BACH2: variants seen among roughly 807,000 people sequenced by gnomAD.
BACH2 encodes BACH transcriptional regulator 2, also known as transcription regulator protein BACH2.
A neutral mutation model predicts 61.8 loss-of-function variants in BACH2; 5 were observed. That is an observed-to-expected ratio of 0.08 (90% CI 0.04 to 0.17). The LOEUF is 0.17. Ranked by LOEUF, BACH2 falls within the 10% of genes least tolerant of loss-of-function variation. BACH2 has a pLI of 1.00. For missense variants in BACH2, 824 were observed against 1,091.1 expected (o/e 0.76, Z 3.45); for synonymous variants, 446 against 440.1 (o/e 1.01, Z -0.17).
chr6:90,167,155 G>A (rs2127835579), intron 4 of BACH2, among the ~76,000 whole-genome samples: 1 of 152,264 alleles, frequency 6.6e-6, no homozygotes, highest in Admixed American at 6.5e-5. Context: ...AAAAATTCCT[G>A]ATGTCAACTC....
chr6:90,227,395 T>G (rs1031320054), intron 3 of BACH2, among the ~76,000 whole-genome samples: 1 of 152,126 alleles, frequency 6.6e-6, no homozygotes, highest in South Asian at 2.1e-4. Flanking sequence ...TACAATCTTG[T>G]GAAGAAACAG....
intron 2 of BACH2, among the ~76,000 whole-genome samples, chr6:90,259,151 C>T (rs773030792): frequency 1.1e-4 from 17 of 152,118 alleles, no homozygotes; most frequent in Non-Finnish European, 1.8e-4. Context: ...TGATACTAGA[C>T]CTTCATGGAA....
chr6:90,273,464 A>G (rs1771593360), intron 1 of BACH2, among the ~76,000 whole-genome samples: 1 of 152,242 alleles, frequency 6.6e-6, no homozygotes, highest in Non-Finnish European at 1.5e-5. Flanking sequence ...TGCCTAGCAC[A>G]GTAAGCACTC....
chr6:90,179,716 C>A (rs1310225674), intron 4 of BACH2, among the ~76,000 whole-genome samples: 1 of 152,138 alleles, frequency 6.6e-6, no homozygotes, highest in East Asian at 1.9e-4. Flanking sequence ...TTCAATGAAT[C>A]TAAAATCTAA....
rs369912258 is a variant in BACH2 at position 90,136,893 on chromosome 6, T to C, written c.-161-47784A>G. Reference sequence around the variant, plus strand: ...GAAATAGGATACAAGGAAATTAGCATGTGAGAAAGACTTGGACTTATGTGA... The same window carrying C: ...GAAATAGGATACAAGGAAATTAGCACGTGAGAAAGACTTGGACTTATGTGA... On this transcript the variant is annotated intron_variant, in intron 4 of 8. Transcript: ENST00000257749. Among the ~76,000 whole-genome samples, 23 of 151,798 alleles carry C rather than the reference T, an allele frequency of 1.5e-4. No homozygotes were observed. In the East Asian group the frequency reaches 3.1e-3, roughly 20 times the overall value.
chr6:90,264,595 G>A (rs1771266221), intron 2 of BACH2, among the ~76,000 whole-genome samples: 2 of 152,152 alleles, frequency 1.3e-5, no homozygotes. Flanking sequence ...AGAGGCCTAG[G>A]GCTAAAGAAA....
intron 5 of BACH2, among the ~76,000 whole-genome samples, chr6:90,047,276 A>G (rs2127793223): frequency 6.6e-6 from 1 of 152,336 alleles, no homozygotes; most frequent in South Asian, 2.1e-4. Flanking sequence ...GGAAGTTATC[A>G]GGGATGGGGG....
At chr6:90,209,167 T>C (rs910433428) in intron 3 of BACH2, among the ~76,000 whole-genome samples, 3 of 152,084 alleles carry the variant, frequency 2.0e-5, no homozygotes, top group African/African-American at 7.2e-5. Flanking sequence ...TAAACCTGAA[T>C]GTTGTGCACA....
chr6:90,113,917 A>G (rs1229775820), intron 4 of BACH2, among the ~76,000 whole-genome samples: 6 of 152,278 alleles, frequency 3.9e-5, no homozygotes, highest in Non-Finnish European at 5.9e-5. Flanking sequence ...TAGAAAACCT[A>G]GACAAGATGG....
Position 90,124,235 on chromosome 6 carries a change from A to G in BACH2, c.-161-35126T>C, listed in dbSNP as rs1582392701. The stretch of plus-strand genomic sequence containing the variant: ...TTTAAAAAAACGTGTCCAACAGGCT[A>G]TTTATTATTTAAAACCCAGCTTTAT... On this transcript the variant is annotated intron_variant, in intron 4 of 8. Transcript: ENST00000257749. 2.6e-5 allele frequency among the ~76,000 whole-genome samples: 4 copies of G among 152,344 alleles called. No individual in the cohort carries two copies. In the East Asian group the frequency reaches 7.7e-4, roughly 29 times the overall value.
At chr6:90,212,966 T>C (rs916133916) in intron 3 of BACH2, among the ~76,000 whole-genome samples, 18 of 152,318 alleles carry the variant, frequency 1.2e-4, no homozygotes, top group African/African-American at 4.3e-4. Flanking sequence ...ATCTAATCTT[T>C]AGATTCAGGG....
At chr6:90,266,114 G>C (rs904552560) in intron 2 of BACH2, among the ~76,000 whole-genome samples, 1 of 152,180 alleles carries the variant, frequency 6.6e-6, no homozygotes, top group African/African-American at 2.4e-5. Flanking sequence ...GCTAAAGGTA[G>C]AGGCAACAAC....
At chr6:90,185,232 G>A (rs963228139) in intron 4 of BACH2, among the ~76,000 whole-genome samples, 2 of 152,212 alleles carry the variant, frequency 1.3e-5, no homozygotes, top group Non-Finnish European at 2.9e-5. Context: ...CTCTGTCTCG[G>A]AAACAGGTCT....
chr6:89,945,638 T>G (rs1170263208), intron 7 of BACH2, among the ~76,000 whole-genome samples: 1 of 152,228 alleles, frequency 6.6e-6, no homozygotes, highest in East Asian at 1.9e-4. Flanking sequence ...GTGATGGTTG[T>G]ACAACATTGT....
chr6:90,191,076 G>A (rs1477907373), intron 4 of BACH2, among the ~76,000 whole-genome samples: 1 of 152,208 alleles, frequency 6.6e-6, no homozygotes, highest in East Asian at 1.9e-4. Flanking sequence ...CTTCTCACTG[G>A]TTTTCTTCAT....
chr6:90,016,963 C>G (rs1260605317), intron 5 of BACH2, among the ~76,000 whole-genome samples: 3 of 152,072 alleles, frequency 2.0e-5, no homozygotes, highest in Non-Finnish European at 4.4e-5. Flanking sequence ...TTCTTGATCA[C>G]TTGTTTTGAG....
chr6:90,295,222 G>C (rs2127895893), intron 1 of BACH2, among the ~76,000 whole-genome samples: 1 of 152,198 alleles, frequency 6.6e-6, no homozygotes, highest in Admixed American at 6.5e-5. Flanking sequence ...GCGCCTCATC[G>C]GGCCACAGAC....
intron 3 of BACH2, among the ~76,000 whole-genome samples, chr6:90,241,590 CCT>C (rs1770454153): frequency 6.6e-6 from 1 of 152,222 alleles, no homozygotes; most frequent in African/African-American, 2.4e-5. Flanking sequence ...ACATTTTCAC[CCT>C]GTCTGTTGTC....
intron 6 of BACH2, among the ~76,000 whole-genome samples, chr6:89,976,970 C>A (rs1369081072): frequency 1.3e-5 from 2 of 152,220 alleles, no homozygotes; most frequent in Non-Finnish European, 2.9e-5. Flanking sequence ...TTCTTTAAAG[C>A]TTCTTCATAT....
Sources: allele counts gnomAD v4.1 joint callset (sites outside exome capture counted in the v4.1 genomes callset), GRCh38; gene constraint gnomAD v4.1.1; transcripts MANE v1.5; gene names NCBI Gene and HGNC (gene_info 2026-07-23, HGNC 2026-07-21).